Variants in PRUNE2 observed in about 807,000 individuals in gnomAD.
PRUNE2 encodes prune homolog 2 with BCH domain, also known as protein prune homolog 2.
Under a neutral mutation model 252.0 loss-of-function variants are expected in PRUNE2, and 164 were observed. The observed-to-expected ratio is 0.65, with a 90% confidence interval of 0.57 to 0.74. PRUNE2 has a LOEUF of 0.74. Ranked by LOEUF, PRUNE2 falls within the 30% of genes least tolerant of loss-of-function variation. The pLI is 0.00. For synonymous variants in PRUNE2, 1,292 were observed against 1,350.2 expected, an observed-to-expected ratio of 0.96 and a Z score of 0.94; for missense variants, 3,495 against 3,711.0, an observed-to-expected ratio of 0.94 and a Z score of 1.51.
rs971478820 is a variant in PRUNE2, at chr9:76,644,901, C to T, written c.8566G>A (p.Ala2856Thr). 3 of 1,613,110 alleles carry T rather than the reference C, an allele frequency of 1.9e-6. No homozygotes were observed. Among genetic ancestry groups the T allele is most frequent in the Non-Finnish European group, 8.5e-7 (1 of 1,179,478 alleles). Residue 2856 changes from alanine to threonine, a missense_variant, in exon 12 of 19, where the codon GCC becomes ACC. Transcript: ENST00000376718. ...GACTCTTGGCCAGAATCTTTGTTGG[C>T]TGTGGGATCTTCTGGAAACAAAGCA... ...SFEYTGHDPTANKDSGQESES... is the reference protein window; with the variant it reads ...SFEYTGHDPTTNKDSGQESES...
intron 17 of PRUNE2, among the ~76,000 whole-genome samples, chr9:76,620,460 T>G (rs1831766580): frequency 6.6e-6 from 1 of 152,168 alleles, no homozygotes; most frequent in Non-Finnish European, 1.5e-5. Flanking sequence ...TATTTTATTA[T>G]TGACAAACAA....
At chr9:76,645,643 TAAAA>T (rs1021700156) in intron 11 of PRUNE2, among the ~76,000 whole-genome samples, 1 of 145,980 alleles carries the variant, frequency 6.9e-6, no homozygotes, top group African/African-American at 2.5e-5. Flanking sequence ...CTTGTGCATT[TAAAA>T]AAAAAAAGTA....
chr9:76,857,126 T>C lies in PRUNE2; in HGVS notation c.37-2918A>G, dbSNP rs115313882. 4.5e-3 allele frequency: 2,038 copies of C among 456,012 alleles called. 37 individuals are homozygous for C. Among genetic ancestry groups the C allele is most frequent in the African/African-American group, 0.036 (1,786 of 50,176 alleles). The allele number at this position is 456,012 out of a possible 1,614,324, so 28.2% of individuals were successfully genotyped here. Reference sequence around the variant, plus strand: ...TCATCCTATGCATCAAGTTCCTTCATGGTCATGGCCTCTTCCAATGCCATT... The same window carrying C: ...TCATCCTATGCATCAAGTTCCTTCACGGTCATGGCCTCTTCCAATGCCATT... On this transcript the variant is annotated intron_variant, in intron 1 of 18. Transcript: ENST00000376718.
rs185398201 is a variant in PRUNE2 at position 76,754,006 on chromosome 9, T to C, written c.757-40285A>G. Among the ~76,000 whole-genome samples, 744 of 151,900 alleles carry C rather than the reference T, an allele frequency of 4.9e-3. 1 individual carries two copies. Among genetic ancestry groups the C allele is most frequent in the Non-Finnish European group, 7.2e-3 (489 of 67,986 alleles). On this transcript the variant is annotated intron_variant, in intron 6 of 18. Coordinates refer to ENST00000376718, the MANE Select transcript of PRUNE2 (RefSeq NM_015225.3). ...ATCTAGTGACTAGACATGGTTCAGA[T>C]TGCAAACCTGTAAAAGGCCACATGG...
rs746339458 is a variant in PRUNE2, at chr9:76,710,752, G to T, written c.1522C>A (p.Gln508Lys). Residue 508 changes from glutamine (Q) to lysine (K), a missense_variant, in exon 8 of 19, where the codon CAA (glutamine) becomes AAA (lysine). Coordinates refer to ENST00000376718, the MANE Select transcript of PRUNE2 (RefSeq NM_015225.3). ...PAPMASGQSQ[Q>K]SSHSADYSPA... ...GAGTAGTCTGCAGAATGAGAAGATT[G>T]CTGGGACTGCCCAGAAGCCATGGGT... The T allele has an allele frequency of 6.2e-7, 1 of 1,611,004 alleles. No homozygotes were observed. The highest frequency in any genetic ancestry group is 1.1e-5 in the South Asian group (1 of 90,360).
chr9:76,761,011 A>G (rs750818995), intron 6 of PRUNE2, among the ~76,000 whole-genome samples: 35 of 147,640 alleles, frequency 2.4e-4, no homozygotes, highest in Non-Finnish European at 4.6e-4. Context: ...GCTTGAACCC[A>G]GGAGGCAGAG....
chr9:76,619,938 A>G lies in PRUNE2; in HGVS notation c.9189-551T>C, dbSNP rs1229902515. On this transcript the variant is annotated intron_variant, in intron 17 of 18. Transcript: ENST00000376718. ...GTGATACAAATGAATCCTACCATTT[A>G]CCTCAACTGAGTATGCCCAGAAAAC... Among the ~76,000 whole-genome samples, 10 of 152,362 alleles carry G rather than the reference A, an allele frequency of 6.6e-5. No individual in the cohort carries two copies. In the South Asian group the frequency reaches 1.7e-3, roughly 25 times the overall value.
intron 12 of PRUNE2, among the ~76,000 whole-genome samples, chr9:76,641,226 A>G (rs2132780508): frequency 6.6e-6 from 1 of 152,364 alleles, no homozygotes; most frequent in South Asian, 2.1e-4. Flanking sequence ...AAATTTATAA[A>G]TGAAAATGTG....
At chr9:76,844,164 T>C (rs77865444) in intron 4 of PRUNE2, among the ~76,000 whole-genome samples, 12,903 of 152,260 alleles carry the variant, frequency 0.085, 692 homozygotes, top group East Asian at 0.15. Context: ...CATCCTTTAG[T>C]TCCGTGATAT....
Position 76,708,013 on chromosome 9 carries a change from C to A in PRUNE2, c.4261G>T (p.Ala1421Ser). 2 of 1,613,902 alleles carry A rather than the reference C, an allele frequency of 1.2e-6. No individual in the cohort carries two copies. The highest frequency in any genetic ancestry group is 1.7e-6 in the Non-Finnish European group (2 of 1,179,820). The change falls in exon 8 of 19, where the codon GCA becomes TCA. Residue 1421 changes from alanine (A) to serine (S), a missense_variant. Transcript: ENST00000376718. ...GTATCTTTTGGCTGCAGGTTATCTG[C>A]GGACATCCCTGTTTGCACATCACGG... is the stretch of plus-strand genomic sequence containing the variant. ...DSRDVQTGMS[A>S]DNLQPKDTHE... is the part of the protein sequence containing the mutation.
chr9:76,773,912 C>T (rs866581938), intron 6 of PRUNE2, among the ~76,000 whole-genome samples: 60 of 151,956 alleles, frequency 3.9e-4, no homozygotes, highest in Non-Finnish European at 6.6e-4. Context: ...TGGAATAAAG[C>T]AGGTAGAGAA....
chr9:76,659,593 A>G (rs1037479746), intron 9 of PRUNE2, among the ~76,000 whole-genome samples: 1 of 152,160 alleles, frequency 6.6e-6, no homozygotes, highest in Admixed American at 6.5e-5. Flanking sequence ...CTTATCCAAA[A>G]TGCTTGGGAC....
At chr9:76,789,933 C>A (rs115336676) in intron 6 of PRUNE2, among the ~76,000 whole-genome samples, 1 of 152,148 alleles carries the variant, frequency 6.6e-6, no homozygotes, top group African/African-American at 2.4e-5. Context: ...GCAAGAAGAT[C>A]CTCAGATAAA....
At chr9:76,813,723 C>A (rs999553836) in intron 6 of PRUNE2, among the ~76,000 whole-genome samples, 3 of 152,100 alleles carry the variant, frequency 2.0e-5, no homozygotes, top group African/African-American at 7.2e-5. Context: ...CTAGTTCATT[C>A]TATGAGAATT....
rs144323011 is a variant in PRUNE2 at position 76,821,877 on chromosome 9, T to G, written c.756+1755A>C. On this transcript the variant is annotated intron_variant, in intron 6 of 18. Transcript: ENST00000376718. The stretch of plus-strand genomic sequence containing the variant: ...CATTAAAGCTACAGTAAGTCTGTAA[T>G]ATGAATAGCCTTAAAATAATTTGCT... Among the ~76,000 whole-genome samples the G allele has an allele frequency of 4.9e-4, 75 of 152,318 alleles. 1 individual carries two copies. The East Asian group carries it at 0.014, about 29-fold the overall frequency.
chr9:76,745,803 G>T (rs1235447041), intron 6 of PRUNE2, among the ~76,000 whole-genome samples: 2 of 152,204 alleles, frequency 1.3e-5, no homozygotes, highest in Admixed American at 1.3e-4. Context: ...CCACTGGACA[G>T]TCACACTATT....
Position 76,681,478 on chromosome 9 carries a change from T to G in PRUNE2, c.8276+21859A>C, listed in dbSNP as rs1295724705. ...AAAAAAAAAAAAAAAGCAGGTGCCC[T>G]GGGAAAGGGTACAAGATAGGTTTTT... is the stretch of plus-strand genomic sequence containing the variant. On this transcript the variant is annotated intron_variant, in intron 9 of 18. Coordinates refer to ENST00000376718, the MANE Select transcript of PRUNE2 (RefSeq NM_015225.3). Among the ~76,000 whole-genome samples the G allele has an allele frequency of 2.0e-5, 3 of 147,622 alleles. No homozygotes were observed. The Admixed American group carries it at 2.0e-4, about 10-fold the overall frequency.
intron 6 of PRUNE2, chr9:76,785,723 G>T (rs1380974114): frequency 1.4e-5 from 2 of 146,200 alleles, no homozygotes; most frequent in Non-Finnish European, 3.0e-5. Context: ...AGGACCAGTT[G>T]TTAAGAGCTC....
intron 10 of PRUNE2, among the ~76,000 whole-genome samples, chr9:76,653,457 G>A (rs1305715359): frequency 6.6e-6 from 1 of 152,034 alleles, no homozygotes; most frequent in Admixed American, 6.6e-5. Flanking sequence ...TGTTTGCACT[G>A]TGTTTAGAAA....
Sources: allele counts gnomAD v4.1 joint callset (sites outside exome capture counted in the v4.1 genomes callset), GRCh38; gene constraint gnomAD v4.1.1; transcripts MANE v1.5; gene names NCBI Gene and HGNC (gene_info 2026-07-23, HGNC 2026-07-21).